Variants in NKAIN3 observed in about 807,000 individuals in gnomAD.
The protein encoded by NKAIN3 is sodium/potassium transporting ATPase interacting 3, also known as sodium/potassium-transporting ATPase subunit beta-1-interacting protein 3.
Under a neutral mutation model 30.2 loss-of-function variants are expected in NKAIN3, and 25 were observed. The ratio of observed to expected loss-of-function variants is 0.83; its 90% CI spans 0.60 to 1.16. NKAIN3 has a LOEUF of 1.16. NKAIN3 is among the 50% of genes most tolerant of loss of function. The pLI is 0.00. For synonymous variants in NKAIN3, 91 were observed against 89.6 expected (o/e 1.02, Z -0.09); for missense variants, 225 against 254.1 (o/e 0.89, Z 0.78).
intron 2 of NKAIN3, among the ~76,000 whole-genome samples, chr8:62,581,823 TC>T (rs1810306769): frequency 3.6e-5 from 1 of 28,156 alleles, no homozygotes; most frequent in African/African-American, 1.1e-4. Context: ...CTTCTTTACT[TC>T]CTTCCCTCTT....
At chr8:62,869,048 G>A (rs1253888804) in intron 4 of NKAIN3, among the ~76,000 whole-genome samples, 2 of 152,242 alleles carry the variant, frequency 1.3e-5, no homozygotes, top group African/African-American at 4.8e-5. Context: ...CAGAATAGGA[G>A]AGTGGGGTAT....
intron 1 of NKAIN3, among the ~76,000 whole-genome samples, chr8:62,460,588 G>T (rs919496279): frequency 2.0e-5 from 3 of 152,012 alleles, no homozygotes; most frequent in African/African-American, 7.3e-5. Context: ...CCCATTCCCT[G>T]CTCTCCAGAT....
intron 1 of NKAIN3, among the ~76,000 whole-genome samples, chr8:62,406,794 G>C (rs1480322656): frequency 6.6e-6 from 1 of 152,052 alleles, no homozygotes; most frequent in Non-Finnish European, 1.5e-5. Flanking sequence ...AAGGGGACTT[G>C]AATTTTTCTC....
chr8:62,837,016 G>GA (rs1451376849), intron 4 of NKAIN3, among the ~76,000 whole-genome samples: 1 of 152,146 alleles, frequency 6.6e-6, no homozygotes, highest in African/African-American at 2.4e-5. Context: ...TCACAGAGGA[G>GA]ACTAGACTCA....
chr8:62,656,417 A>T (rs1160428533), intron 3 of NKAIN3, among the ~76,000 whole-genome samples: 3 of 152,114 alleles, frequency 2.0e-5, no homozygotes. Flanking sequence ...CGTTGTGCAC[A>T]TGTACCCCAG....
chr8:62,805,216 G>T (rs1009533327), intron 4 of NKAIN3, among the ~76,000 whole-genome samples: 2 of 151,722 alleles, frequency 1.3e-5, no homozygotes, highest in Non-Finnish European at 2.9e-5. Flanking sequence ...CGTGAAAATG[G>T]CCATACTGCC....
intron 1 of NKAIN3, among the ~76,000 whole-genome samples, chr8:62,447,032 G>A (rs1277622986): frequency 6.6e-6 from 1 of 152,004 alleles, no homozygotes; most frequent in Non-Finnish European, 1.5e-5. Context: ...GGTGTTAACT[G>A]GGATGCCATA....
At chr8:62,479,220 T>C (rs1487675078) in intron 1 of NKAIN3, among the ~76,000 whole-genome samples, 3 of 152,208 alleles carry the variant, frequency 2.0e-5, no homozygotes, top group Non-Finnish European at 4.4e-5. Flanking sequence ...TATAGATCAA[T>C]TGTGTTATTA....
intron 3 of NKAIN3, among the ~76,000 whole-genome samples, chr8:62,693,864 A>G (rs1330721182): frequency 3.3e-5 from 5 of 152,316 alleles, no homozygotes; most frequent in African/African-American, 1.2e-4. Flanking sequence ...TGTCATTTAT[A>G]CAGAAGTACA....
intron 3 of NKAIN3, among the ~76,000 whole-genome samples, chr8:62,651,882 C>T (rs1812630836): frequency 6.6e-6 from 1 of 152,132 alleles, no homozygotes; most frequent in Non-Finnish European, 1.5e-5. Context: ...GTTCTCACTT[C>T]ACCTTCTGCC....
rs555568554 is a variant in NKAIN3, at chr8:62,540,348, C to T, written c.55-39191C>T. Among the ~76,000 whole-genome samples, 10 of 152,234 alleles carry T rather than the reference C, an allele frequency of 6.6e-5. No individual in the cohort carries two copies. In the South Asian group the frequency reaches 2.1e-3, roughly 32 times the overall value. Reference sequence around the variant, plus strand: ...TCAAACCCTCCCACTCATAATTAACCTCCTACTACCTACCCAGTATAAGTA... The same window carrying T: ...TCAAACCCTCCCACTCATAATTAACTTCCTACTACCTACCCAGTATAAGTA... On this transcript the variant is annotated intron_variant, in intron 1 of 6. Coordinates refer to ENST00000623646, the MANE Select transcript of NKAIN3 (RefSeq NM_001304533.3).
chr8:62,344,776 C>T lies in NKAIN3; in HGVS notation c.54+95649C>T, dbSNP rs1585703660. 4 of 371,872 alleles carry T rather than the reference C, an allele frequency of 1.1e-5. No individual in the cohort carries two copies. The East Asian group carries it at 3.2e-4, about 30-fold the overall frequency. The allele number at this position is 371,872 out of a possible 1,614,324, so 23.0% of individuals were successfully genotyped here. ...ACACACTAGTAAGCCACTGATAAAA[C>T]TAAGAAATTTAGAGTCTTTTGTAGT... On this transcript the variant is annotated intron_variant, in intron 1 of 6. Transcript: ENST00000623646.
At chr8:62,600,986 TTTTGGGCAGGCAA>T (rs1810969485) in intron 3 of NKAIN3, among the ~76,000 whole-genome samples, 1 of 152,106 alleles carries the variant, frequency 6.6e-6, no homozygotes, top group Non-Finnish European at 1.5e-5. Flanking sequence ...CAACTTTAGC[TTTTGGGCAGGCAA>T]TTTCCAGTAA....
intron 1 of NKAIN3, among the ~76,000 whole-genome samples, chr8:62,570,579 G>T (rs949079707): frequency 6.6e-6 from 1 of 152,050 alleles, no homozygotes; most frequent in Non-Finnish European, 1.5e-5. Flanking sequence ...ATCAGATATC[G>T]TGAGGCTTAT....
At chr8:62,517,809 A>G (rs562570691) in intron 1 of NKAIN3, among the ~76,000 whole-genome samples, 29 of 152,292 alleles carry the variant, frequency 1.9e-4, no homozygotes, top group Admixed American at 9.8e-4. Flanking sequence ...TATGGTCTAC[A>G]GTTTGTTCAG....
chr8:62,870,262 C>CTATAGATATCTATATTTATATA (rs1820576929), intron 4 of NKAIN3, among the ~76,000 whole-genome samples: 1 of 79,318 alleles, frequency 1.3e-5, no homozygotes, highest in African/African-American at 4.0e-5. Flanking sequence ...ATATATATAT[C>CTATAGATATCTATATTTATATA]TATATATAGA....
chr8:62,801,264 G>A lies in NKAIN3; in HGVS notation c.471+54135G>A, dbSNP rs558129761. On this transcript the variant is annotated intron_variant, in intron 4 of 6. Coordinates refer to ENST00000623646, the MANE Select transcript of NKAIN3 (RefSeq NM_001304533.3). ...CTGTCTGACAGCTTTGAAGAGAGCA[G>A]TGGTTCTCCCAGCACGCAGCTGGAG... Among the ~76,000 whole-genome samples, 31 of 152,336 alleles carry A rather than the reference G, an allele frequency of 2.0e-4. No individual in the cohort carries two copies. The East Asian group carries it at 5.6e-3, about 28-fold the overall frequency.
chr8:62,478,769 G>A (rs1806602477), intron 1 of NKAIN3, among the ~76,000 whole-genome samples: 1 of 152,178 alleles, frequency 6.6e-6, no homozygotes, highest in Non-Finnish European at 1.5e-5. Flanking sequence ...TGGAGTCAGG[G>A]TTAGGGGGTT....
chr8:62,595,048 A>G (rs1054136739), intron 3 of NKAIN3, among the ~76,000 whole-genome samples: 3 of 152,108 alleles, frequency 2.0e-5, no homozygotes, highest in East Asian at 1.9e-4. Context: ...CTGTGTTTCC[A>G]TGGTTTTTCT....
Sources: allele counts gnomAD v4.1 joint callset (sites outside exome capture counted in the v4.1 genomes callset), GRCh38; gene constraint gnomAD v4.1.1; transcripts MANE v1.5; gene names NCBI Gene and HGNC (gene_info 2026-07-23, HGNC 2026-07-21).